UBE3B: variants seen among roughly 807,000 people sequenced by gnomAD.
UBE3B encodes the protein ubiquitin-protein ligase E3B.
Under a neutral mutation model 132.3 loss-of-function variants are expected in UBE3B, and 80 were observed. That is an observed-to-expected ratio of 0.60 (90% CI 0.50 to 0.73). The LOEUF is 0.73. UBE3B is among the 30% of genes least tolerant of loss of function. The probability of loss-of-function intolerance (pLI) is 0.00; values close to 1 mark genes in which losing one functional copy is unlikely to be tolerated. For missense variants in UBE3B, 1,196 were observed against 1,362.5 expected, an observed-to-expected ratio of 0.88 and a Z score of 1.92; for synonymous variants, 487 against 520.4, an observed-to-expected ratio of 0.94 and a Z score of 0.87.
At chr12:109,508,930 CTCAG>C (rs1320796863) in intron 15 of UBE3B, 2 of 187,638 alleles carry the variant, frequency 1.1e-5, no homozygotes, top group Non-Finnish European at 2.0e-5. Flanking sequence ...AACATCGACT[CTCAG>C]TCAATGTTCC....
Position 109,488,598 on chromosome 12 carries a change from C to G in UBE3B, c.474C>G (p.Leu158=). ...CTGAAATCCTGCAGGACTCCCGACT[C>G]ATCACCCTGTACCTCACGATGCTTG... ...LKPEILQDSR[L]ITLYLTMLVT... Residue 158 remains leucine, a synonymous_variant, in exon 7 of 28, where the codon CTC becomes CTG. Transcript: ENST00000342494. The G allele has an allele frequency of 3.7e-6, 6 of 1,614,216 alleles. No individual in the cohort carries two copies. Among genetic ancestry groups the G allele is most frequent in the Non-Finnish European group, 5.1e-6 (6 of 1,180,008 alleles).
At chr12:109,539,337 GC>G (rs1204213654), downstream of UBE3B, among the ~76,000 whole-genome samples, 1 of 152,228 alleles carries the variant, frequency 6.6e-6, no homozygotes, top group Admixed American at 6.5e-5. Flanking sequence ...GGCATCCTTT[GC>G]TTCACGGCAG....
Position 109,489,959 on chromosome 12 carries a change from T to C in UBE3B, c.585T>C (p.Asn195=). 1 of 1,614,218 alleles carries C rather than the reference T, an allele frequency of 6.2e-7. No individual in the cohort carries two copies. Among genetic ancestry groups the C allele is most frequent in the Admixed American group, 1.7e-5 (1 of 60,026 alleles). Residue 195 remains asparagine (N), a synonymous_variant, in exon 8 of 28, where the codon AAT becomes AAC. Coordinates refer to ENST00000342494, the MANE Select transcript of UBE3B (RefSeq NM_130466.4). The stretch of plus-strand genomic sequence containing the variant: ...CAGCGATGAACCACATTTGTGCAAA[T>C]ATAATGGGACATCTCAACCAGCATG... ...LRPAMNHICA[N]IMGHLNQHGF... is the part of the protein sequence containing the mutation.
intron 23 of UBE3B, among the ~76,000 whole-genome samples, chr12:109,525,260 G>A (rs1158147411): frequency 4.6e-5 from 7 of 152,208 alleles, no homozygotes; most frequent in African/African-American, 1.7e-4. Flanking sequence ...AGGCTGGCAC[G>A]TGAAGGCTCT....
chr12:109,530,277 G>A (rs558235590), intron 25 of UBE3B, among the ~76,000 whole-genome samples: 27 of 152,234 alleles, frequency 1.8e-4, no homozygotes, highest in Non-Finnish European at 1.6e-4. Flanking sequence ...CCTGAGGACT[G>A]GGGGTTCTCT....
At chr12:109,505,995 G>A (rs1402380946) in intron 14 of UBE3B, among the ~76,000 whole-genome samples, 2 of 152,206 alleles carry the variant, frequency 1.3e-5, no homozygotes, top group Admixed American at 1.3e-4. Context: ...GCCTTTCTAA[G>A]TCAAGAGATG....
chr12:109,507,584 C>G lies in UBE3B; in HGVS notation c.1471C>G (p.Leu491Val). The change falls in exon 15 of 28, where the codon CTG becomes GTG. Residue 491 changes from leucine to valine, a missense_variant. Coordinates refer to ENST00000342494, the MANE Select transcript of UBE3B (RefSeq NM_130466.4). ...TCCAGGTCTCACTTACCTTGATGACCTGCTTCCCAAACTGTGGGCATTTAT... is the reference window on the plus strand; with the variant it reads ...TCCAGGTCTCACTTACCTTGATGACGTGCTTCCCAAACTGTGGGCATTTAT... ...ILTGLTYLDD[L>V]LPKLWAFICE... is the part of the protein sequence containing the mutation. The G allele has an allele frequency of 6.2e-7, 1 of 1,613,852 alleles. No individual in the cohort carries two copies. The highest frequency in any genetic ancestry group is 8.5e-7 in the Non-Finnish European group (1 of 1,179,936).
intron 23 of UBE3B, among the ~76,000 whole-genome samples, chr12:109,525,945 A>G (rs757068440): frequency 2.0e-5 from 3 of 152,156 alleles, no homozygotes; most frequent in Non-Finnish European, 4.4e-5. Flanking sequence ...AAATGATGCC[A>G]TTCTGTGCAT....
chr12:109,489,122 C>A (rs1044559901), intron 7 of UBE3B, among the ~76,000 whole-genome samples: 1 of 152,238 alleles, frequency 6.6e-6, no homozygotes, highest in Non-Finnish European at 1.5e-5. Context: ...GTAGCCCATA[C>A]ATGCCAGATG....
At position 109,534,478 on chromosome 12, in the gene UBE3B, G is replaced by A; in HGVS notation, c.3016-113G>A. The A allele has an allele frequency of 2.0e-6, 3 of 1,480,372 alleles. No individual in the cohort carries two copies. The African/African-American group carries it at 4.3e-5, about 21-fold the overall frequency. The allele number at this position is 1,480,372 out of a possible 1,614,324, so 91.7% of individuals were successfully genotyped here. On this transcript the variant is annotated intron_variant, in intron 27 of 27. Transcript: ENST00000342494. The surrounding 1 kb of genome is among the most constrained non-coding windows in gnomAD (Gnocchi z 5.2). ...GTGCCAGGGCAGCGCCCTGCACTCT[G>A]CCCAGCATCCAGGGACTGGCCAGAT...
Position 109,503,182 on chromosome 12 carries a change from T to TACTC in UBE3B, c.1445_1448dup (p.Gly484HisfsTer7). ...ACTCTCACACAGATTCGGCTGCAGATACTCACAGGTTCGCAGTCCCCAGGG... is the reference window on the plus strand; with the variant it reads ...ACTCTCACACAGATTCGGCTGCAGATACTCACTCACAGGTTCGCAGTCCCCAGGG... On this transcript the variant is annotated frameshift_variant, in exon 14 of 28. Transcript: ENST00000342494. LOFTEE classifies it high-confidence loss of function. 1.2e-6 allele frequency: 2 copies of TACTC among 1,614,134 alleles called. No homozygotes were observed. Among genetic ancestry groups the TACTC allele is most frequent in the East Asian group, 4.5e-5 (2 of 44,880 alleles).
At chr12:109,501,086 GT>G (rs1878925047) in intron 12 of UBE3B, among the ~76,000 whole-genome samples, 2 of 152,202 alleles carry the variant, frequency 1.3e-5, no homozygotes, top group Non-Finnish European at 2.9e-5. Flanking sequence ...GTACAAGATT[GT>G]TTTTGTCACC....
chr12:109,489,926 T>A lies in UBE3B; in HGVS notation c.552T>A (p.Ser184Arg). The A allele has an allele frequency of 1.2e-6, 2 of 1,614,168 alleles. No individual in the cohort carries two copies. The highest frequency in any genetic ancestry group is 1.7e-6 in the Non-Finnish European group (2 of 1,180,010). Residue 184 changes from serine (S) to arginine (R), a missense_variant, in exon 8 of 28, where the codon AGT becomes AGA. Coordinates refer to ENST00000342494, the MANE Select transcript of UBE3B (RefSeq NM_130466.4). ...TWKILRGKGESLRPAMNHICA... is the reference protein window; with the variant it reads ...TWKILRGKGERLRPAMNHICA... ...ACTGTTTTCTTTCTTTAGGTGAAAG[T>A]CTTCGACCAGCGATGAACCACATTT...
At chr12:109,539,488 C>G (rs1233239071), downstream of UBE3B, among the ~76,000 whole-genome samples, 1 of 152,204 alleles carries the variant, frequency 6.6e-6, no homozygotes, top group Non-Finnish European at 1.5e-5. Flanking sequence ...CGCCCACGAT[C>G]TGGGAGGCCG....
chr12:109,532,130 C>G (rs910570904), intron 26 of UBE3B, among the ~76,000 whole-genome samples: 1 of 152,218 alleles, frequency 6.6e-6, no homozygotes, highest in Non-Finnish European at 1.5e-5. Context: ...TCCCTCCTTT[C>G]ACCCACCTGA....
chr12:109,530,798 C>G, intron 26 of UBE3B, 140 bp downstream of exon 26: 1 of 819,512 alleles, frequency 1.2e-6, no homozygotes, highest in Non-Finnish European at 1.9e-6. Context: ...CACAGGCAGG[C>G]CTCCCGGTAG....
chr12:109,513,981 C>T (rs1260803333), intron 18 of UBE3B, among the ~76,000 whole-genome samples: 1 of 152,214 alleles, frequency 6.6e-6, no homozygotes, highest in African/African-American at 2.4e-5. Context: ...TAGGCTCTCT[C>T]TGCTCTGTTA....
chr12:109,533,516 G>A lies in UBE3B; in HGVS notation c.2973G>A (p.Lys991=). 6.2e-7 allele frequency: 1 copy of A among 1,614,002 alleles called. No homozygotes were observed. The highest frequency in any genetic ancestry group is 1.1e-5 in the South Asian group (1 of 91,082). The change falls in exon 27 of 28, where the codon AAG becomes AAA. Residue 991 remains lysine (K), a synonymous_variant. Coordinates refer to ENST00000342494, the MANE Select transcript of UBE3B (RefSeq NM_130466.4). ...RPPLLGFAYL[K]PPFSIRCVEV... is the part of the protein sequence containing the mutation. Reference sequence around the variant, plus strand: ...CGCTCCTGGGATTCGCCTACCTCAAGCCTCCATTCTCCATCCGCTGCGTGG... The same window carrying A: ...CGCTCCTGGGATTCGCCTACCTCAAACCTCCATTCTCCATCCGCTGCGTGG...
At chr12:109,502,940 TA>T in intron 13 of UBE3B, 82 bp from the exon 14 acceptor site, 3 of 1,559,622 alleles carry the variant, frequency 1.9e-6, no homozygotes, top group Non-Finnish European at 2.6e-6. Flanking sequence ...TTTAGAGCTT[TA>T]CTGAAATGCT....
Sources: gnomAD v4.1 joint callset for allele counts (sites outside exome capture counted in the v4.1 genomes callset) on GRCh38, gnomAD v4.1.1 for gene constraint, Gnocchi (gnomAD v3.1) non-coding constraint, MANE v1.5 for transcripts, NCBI Gene and HGNC (gene_info 2026-07-23, HGNC 2026-07-21) for gene names.